Variants in SLC27A6 observed in about 807,000 individuals in gnomAD.
SLC27A6 encodes long-chain fatty acid transport protein 6.
A neutral mutation model predicts 63.9 loss-of-function variants in SLC27A6; 74 were observed. The observed-to-expected ratio is 1.16, with a 90% CI of 0.96 to 1.40. The LOEUF (loss-of-function observed/expected upper bound fraction) is 1.40. Ranked by LOEUF, SLC27A6 falls within the 40% of genes most tolerant of loss-of-function variation. The probability of loss-of-function intolerance (pLI) is 0.00; values close to 1 mark genes in which losing one functional copy is unlikely to be tolerated. For synonymous variants in SLC27A6, 287 were observed against 260.8 expected, an observed-to-expected ratio of 1.10 and a Z score of -0.97; for missense variants, 794 against 732.9, an observed-to-expected ratio of 1.08 and a Z score of -0.96.
intron 4 of SLC27A6, among the ~76,000 whole-genome samples, chr5:128,998,117 CAAAAAAA>C (rs34463699): frequency 1.1e-5 from 1 of 89,384 alleles, no homozygotes; most frequent in Non-Finnish European, 2.2e-5. Context: ...CCCATCTCTA[CAAAAAAA>C]AAAAAAAAAA....
intron 4 of SLC27A6, among the ~76,000 whole-genome samples, chr5:129,010,800 G>T (rs759713014): frequency 1.3e-5 from 2 of 151,982 alleles, no homozygotes; most frequent in Non-Finnish European, 2.9e-5. Flanking sequence ...CATGAGCTTG[G>T]AAGGAGATAC....
intron 1 of SLC27A6, among the ~76,000 whole-genome samples, chr5:128,967,103 A>G (rs2577544): frequency 0.24 from 36,629 of 151,904 alleles, 4,998 homozygotes; most frequent in Middle Eastern, 0.33. Flanking sequence ...GCAAGCTAGG[A>G]CTTGCCTAGC....
intron 1 of SLC27A6, among the ~76,000 whole-genome samples, chr5:128,973,027 C>T (rs1438591703): frequency 6.6e-6 from 1 of 152,200 alleles, no homozygotes; most frequent in Non-Finnish European, 1.5e-5. Flanking sequence ...TCAGGACCCT[C>T]AGCTGCAGGT....
At chr5:129,020,767 A>G (rs1752048314) in intron 5 of SLC27A6, among the ~76,000 whole-genome samples, 2 of 152,110 alleles carry the variant, frequency 1.3e-5, no homozygotes, top group African/African-American at 4.8e-5. Flanking sequence ...CAGGAGTCCC[A>G]AAGACCACTC....
rs760350156 is a variant in SLC27A6 at position 129,027,313 on chromosome 5, G to GT, written c.1437dup (p.Thr480TyrfsTer16). ...GACAATTTCCTTTATTTTTGGGACC[G>GT]TACTGGAGACACTTTCAGGTATGAA... is the stretch of plus-strand genomic sequence containing the variant. On this transcript the variant is annotated frameshift_variant, in exon 7 of 10. Transcript: ENST00000262462. LOFTEE classifies it high-confidence loss of function. 2 of 1,610,786 alleles carry GT rather than the reference G, an allele frequency of 1.2e-6. No homozygotes were observed. Among genetic ancestry groups the GT allele is most frequent in the Non-Finnish European group, 1.7e-6 (2 of 1,177,600 alleles).
intron 4 of SLC27A6, among the ~76,000 whole-genome samples, chr5:128,995,498 C>G (rs1319433496): frequency 6.6e-6 from 1 of 152,080 alleles, no homozygotes; most frequent in Non-Finnish European, 1.5e-5. Context: ...TATGAAGAAA[C>G]AAAACAGGGT....
intron 4 of SLC27A6, among the ~76,000 whole-genome samples, chr5:129,003,054 GTCTT>G (rs1182386238): frequency 6.6e-6 from 1 of 152,148 alleles, no homozygotes; most frequent in Non-Finnish European, 1.5e-5. Flanking sequence ...CTCTCACTGT[GTCTT>G]TCTTTTTATA....
chr5:129,028,818 T>C (rs937892766), intron 8 of SLC27A6, among the ~76,000 whole-genome samples: 3 of 152,046 alleles, frequency 2.0e-5, no homozygotes, highest in African/African-American at 4.8e-5. Flanking sequence ...TTAAAAATAC[T>C]GACTTTTAGT....
At position 128,974,641 on chromosome 5, in the gene SLC27A6, AC is replaced by A. The variant is rs1451217951; in HGVS notation, c.481+8028del. On this transcript the variant is annotated intron_variant, in intron 1 of 9. Coordinates refer to ENST00000262462, the MANE Select transcript of SLC27A6 (RefSeq NM_001017372.3). ...TGATGGTGTACTATTAAATCATTAT[AC>A]CCCCAGGGAGAGTATATTGAGGTAG... is the stretch of plus-strand genomic sequence containing the variant. Among the ~76,000 whole-genome samples the A allele has an allele frequency of 6.6e-5, 10 of 152,222 alleles. 1 individual carries two copies. In the East Asian group the frequency reaches 1.7e-3, roughly 26 times the overall value.
At chr5:129,016,328 G>T (rs922144747) in intron 5 of SLC27A6, among the ~76,000 whole-genome samples, 3 of 147,676 alleles carry the variant, frequency 2.0e-5, no homozygotes, top group African/African-American at 7.5e-5. Flanking sequence ...CCCAGGAGGT[G>T]GAGCTTGCAG....
At chr5:128,974,022 G>GT (rs1427219291) in intron 1 of SLC27A6, among the ~76,000 whole-genome samples, 1 of 152,172 alleles carries the variant, frequency 6.6e-6, no homozygotes, top group Non-Finnish European at 1.5e-5. Context: ...TGATAAGGCC[G>GT]TAAGTTCTGT....
rs147418870 is a variant in SLC27A6, at chr5:128,980,090, C to T, written c.482-5043C>T. On this transcript the variant is annotated intron_variant, in intron 1 of 9. Coordinates refer to ENST00000262462, the MANE Select transcript of SLC27A6 (RefSeq NM_001017372.3). ...AAGGACCTGGATTCCCAATCTGTTGCTCTCCCTTCCAGGGTCTATCATCTC... is the reference window on the plus strand; with the variant it reads ...AAGGACCTGGATTCCCAATCTGTTGTTCTCCCTTCCAGGGTCTATCATCTC... Among the ~76,000 whole-genome samples, 42 of 152,288 alleles carry T rather than the reference C, an allele frequency of 2.8e-4. No individual in the cohort carries two copies. In the East Asian group the frequency reaches 7.0e-3, roughly 25 times the overall value.
chr5:129,018,771 C>T (rs979434392), intron 5 of SLC27A6, among the ~76,000 whole-genome samples: 5 of 151,994 alleles, frequency 3.3e-5, no homozygotes, highest in African/African-American at 4.8e-5. Context: ...ACTGTAATAA[C>T]GTCAATCATA....
rs1749886877 is a variant in SLC27A6, at chr5:128,966,256, T to G, written c.119T>G (p.Ile40Ser). 6.2e-7 allele frequency: 1 copy of G among 1,613,768 alleles called. No homozygotes were observed. Among genetic ancestry groups the G allele is most frequent in the African/African-American group, 1.3e-5 (1 of 74,902 alleles). Residue 40 changes from isoleucine to serine, a missense_variant, in exon 1 of 10, where the codon ATT becomes AGT. Physicochemically the swap from Ile to Ser is moderately radical, Grantham distance 142. Coordinates refer to ENST00000262462, the MANE Select transcript of SLC27A6 (RefSeq NM_001017372.3). Reference protein sequence around the residue: ...DFWFVLKVVLIIIRLKKYEKR... With the variant: ...DFWFVLKVVLSIIRLKKYEKR... Reference sequence around the variant, plus strand: ...TGGTTCGTGTTGAAGGTGGTGCTCATTATAATTCGGCTGAAGAAGTATGAA... The same window carrying G: ...TGGTTCGTGTTGAAGGTGGTGCTCAGTATAATTCGGCTGAAGAAGTATGAA...
At chr5:129,031,073 C>T (rs868547482) in intron 9 of SLC27A6, among the ~76,000 whole-genome samples, 12 of 152,032 alleles carry the variant, frequency 7.9e-5, no homozygotes, top group African/African-American at 2.6e-4. Flanking sequence ...ATAAAATTCA[C>T]TTTCATTAAA....
chr5:129,021,379 A>G (rs1029124087), intron 5 of SLC27A6, among the ~76,000 whole-genome samples: 4 of 152,010 alleles, frequency 2.6e-5, no homozygotes, highest in African/African-American at 9.7e-5. Context: ...CTTTTCTCTC[A>G]GTTCAGAGTT....
At chr5:128,988,479 T>C in intron 2 of SLC27A6, 121 bp from the exon 3 acceptor site, 2 of 709,034 alleles carry the variant, frequency 2.8e-6, no homozygotes, top group Non-Finnish European at 4.6e-6. Context: ...CAATTGCTAG[T>C]GTAGTTGTTA....
intron 4 of SLC27A6, among the ~76,000 whole-genome samples, chr5:128,992,417 A>G (rs1377897904): frequency 2.6e-5 from 4 of 152,198 alleles, no homozygotes; most frequent in Non-Finnish European, 5.9e-5. Flanking sequence ...AGGCATTTAA[A>G]TAAGACTTTT....
At chr5:128,978,567 A>G (rs1312414353) in intron 1 of SLC27A6, among the ~76,000 whole-genome samples, 1 of 152,212 alleles carries the variant, frequency 6.6e-6, no homozygotes, top group Non-Finnish European at 1.5e-5. Flanking sequence ...GATACCAGCC[A>G]TGATAGAAAC....
Sources: allele counts gnomAD v4.1 joint callset (sites outside exome capture counted in the v4.1 genomes callset), GRCh38; gene constraint gnomAD v4.1.1; transcripts MANE v1.5; gene names NCBI Gene and HGNC (gene_info 2026-07-23, HGNC 2026-07-21).